Variants in AHCTF1 observed in about 807,000 individuals in gnomAD.
The protein encoded by AHCTF1 is AT-hook containing transcription factor 1, also known as protein ELYS.
Under a neutral mutation model 248.4 loss-of-function variants are expected in AHCTF1, and 24 were observed. That is an observed-to-expected ratio of 0.10 (90% CI 0.07 to 0.14). The LOEUF is 0.14. Among genes scored for constraint, AHCTF1 ranks in the 10% least tolerant of loss-of-function variants. The pLI is 1.00. For missense variants in AHCTF1, 2,206 were observed against 2,636.2 expected, an observed-to-expected ratio of 0.84 and a Z score of 3.57; for synonymous variants, 786 against 929.8, an observed-to-expected ratio of 0.85 and a Z score of 2.81.
At chr1:246,862,572 A>C (rs2103069614) in intron 27 of AHCTF1, among the ~76,000 whole-genome samples, 1 of 152,300 alleles carries the variant, frequency 6.6e-6, no homozygotes, top group East Asian at 1.9e-4. Context: ...TAAACATATC[A>C]ATAGAAATAT....
chr1:246,928,788 G>A (rs1202496768), intron 1 of AHCTF1, among the ~76,000 whole-genome samples: 1 of 152,122 alleles, frequency 6.6e-6, no homozygotes. Flanking sequence ...GTATGCAATG[G>A]TACTTTTTTT....
chr1:246,868,265 A>G (rs1253458108), intron 24 of AHCTF1, among the ~76,000 whole-genome samples: 1 of 151,884 alleles, frequency 6.6e-6, no homozygotes, highest in Admixed American at 6.6e-5. Context: ...AGTAGCTGGG[A>G]CTACAGGAAT....
intron 27 of AHCTF1, among the ~76,000 whole-genome samples, chr1:246,862,717 T>TAG (rs142290498): frequency 0.2 from 30,405 of 151,234 alleles, 3,348 homozygotes; most frequent in East Asian, 0.41. Context: ...AAGTGCCAAT[T>TAG]AGTAAGATAA....
At chr1:246,929,410 A>AAAAAAAT (rs1558289912) in intron 1 of AHCTF1, among the ~76,000 whole-genome samples, 2 of 149,162 alleles carry the variant, frequency 1.3e-5, no homozygotes, top group South Asian at 4.2e-4. Context: ...CTCCGTCTCA[A>AAAAAAAT]AAAAATAAAA....
chr1:246,868,982 C>T (rs929336582), intron 24 of AHCTF1, among the ~76,000 whole-genome samples: 80 of 142,910 alleles, frequency 5.6e-4, no homozygotes, highest in Middle Eastern at 3.9e-3. Flanking sequence ...GTAGCTGGGA[C>T]TACAGGCGCC....
intron 32 of AHCTF1, chr1:246,851,887 G>A (rs915632520): frequency 6.3e-6 from 1 of 158,142 alleles, no homozygotes; most frequent in African/African-American, 2.4e-5. Context: ...CCGTAAGGTT[G>A]AAGAACAATT....
At chr1:246,868,924 A>C (rs1662277612) in intron 24 of AHCTF1, among the ~76,000 whole-genome samples, 3 of 144,350 alleles carry the variant, frequency 2.1e-5, no homozygotes, top group Non-Finnish European at 3.0e-5. Flanking sequence ...GGCTCACTGC[A>C]AGTTCTGCCT....
chr1:246,855,583 C>A, intron 31 of AHCTF1, 147 bp downstream of exon 31: 1 of 624,004 alleles, frequency 1.6e-6, no homozygotes, highest in Non-Finnish European at 2.7e-6. Context: ...TAGAATACTT[C>A]TACACCAGGA....
At chr1:246,904,377 A>G (rs1444382412) in intron 6 of AHCTF1, among the ~76,000 whole-genome samples, 3 of 152,214 alleles carry the variant, frequency 2.0e-5, no homozygotes, top group Non-Finnish European at 4.4e-5. Flanking sequence ...AACATCTCCC[A>G]GCTTCCTTTG....
Position 246,850,436 on chromosome 1 carries a change from G to C in AHCTF1, c.5570C>G (p.Thr1857Ser). ...TGAAACCTTAACTTCTTTTTTAGTA[G>C]TTTCTTCAACTGCTGGTTCCAACAG... The part of the protein sequence containing the change: ...SQLLEPAVEE[T>S]TKKEVKVSSV... Residue 1857 changes from threonine (T) to serine (S), a missense_variant, in exon 33 of 36, where the codon ACT becomes AGT. Physicochemically the swap from Thr to Ser is moderately conservative, Grantham distance 58. Transcript: ENST00000648844. 1 of 1,595,712 alleles carries C rather than the reference G, an allele frequency of 6.3e-7. No individual in the cohort carries two copies.
chr1:246,876,158 T>C lies in AHCTF1; in HGVS notation c.2967A>G (p.Arg989=), dbSNP rs1210777364. 1.9e-6 allele frequency: 3 copies of C among 1,602,124 alleles called. No individual in the cohort carries two copies. In the East Asian group the frequency reaches 6.7e-5, roughly 36 times the overall value. Reference sequence around the variant, plus strand: ...CTAATATAGAATTTCGAGCCAGTGATCTCTCCCGCAAACGAGGATCACGAT... The same window carrying C: ...CTAATATAGAATTTCGAGCCAGTGACCTCTCCCGCAAACGAGGATCACGAT... ...MNDRDPRLRE[R]SLARNSILDQ... Residue 989 remains arginine (R), a synonymous_variant, in exon 24 of 36, where the codon AGA becomes AGG. Transcript: ENST00000648844.
Position 246,927,001 on chromosome 1 carries a change from C to T in AHCTF1, c.-8+4577G>A, listed in dbSNP as rs1402249784. On this transcript the variant is annotated intron_variant, in intron 1 of 35. Coordinates refer to ENST00000648844, the MANE Select transcript of AHCTF1 (RefSeq NM_001323342.2). ...CATCCTGGCTAACAAGGTGAAATCCCGTCTCTACTAAAAATACAGAAACAA... is the reference window on the plus strand; with the variant it reads ...CATCCTGGCTAACAAGGTGAAATCCTGTCTCTACTAAAAATACAGAAACAA... Among the ~76,000 whole-genome samples, 17 of 151,296 alleles carry T rather than the reference C, an allele frequency of 1.1e-4. No individual in the cohort carries two copies. In the East Asian group the frequency reaches 1.6e-3, roughly 14 times the overall value.
intron 1 of AHCTF1, among the ~76,000 whole-genome samples, chr1:246,920,294 G>C (rs937260670): frequency 4.0e-5 from 6 of 151,836 alleles, no homozygotes; most frequent in African/African-American, 1.5e-4. Context: ...TAATATATTT[G>C]TGTAAATCAG....
chr1:246,900,296 A>T (rs1428932555), intron 9 of AHCTF1, 41 bp downstream of exon 9: 1 of 1,584,202 alleles, frequency 6.3e-7, no homozygotes, highest in Non-Finnish European at 8.5e-7. Context: ...CTACACATAC[A>T]AATACAAAGA....
intron 24 of AHCTF1, 94 bp downstream of exon 24, chr1:246,875,943 G>C (rs1299042630): frequency 7.2e-6 from 9 of 1,242,500 alleles, no homozygotes; most frequent in East Asian, 2.5e-5. Context: ...ATGTGTTAGC[G>C]AAAGTAGCTA....
chr1:246,868,377 T>C (rs554057878), intron 24 of AHCTF1, among the ~76,000 whole-genome samples: 1 of 146,184 alleles, frequency 6.8e-6, no homozygotes, highest in African/African-American at 2.8e-5. Flanking sequence ...CGCCTTGGCC[T>C]CCCAAAGTGC....
In AHCTF1 at chr1:246,907,027, G is replaced by T. The variant is rs372932409; in HGVS notation, c.764+524C>A. On this transcript the variant is annotated intron_variant, in intron 5 of 35. Transcript: ENST00000648844. ...AATGCTCGTCAGGGATTCAGTCATT[G>T]TGCAAACATCATACAGTCTAGTAAC... 3.2e-4 allele frequency among the ~76,000 whole-genome samples: 48 copies of T among 152,244 alleles called. No individual in the cohort carries two copies. In the East Asian group the frequency reaches 8.1e-3, roughly 26 times the overall value.
chr1:246,861,380 A>G, intron 28 of AHCTF1, 85 bp from the exon 29 acceptor site: 1 of 1,222,488 alleles, frequency 8.2e-7, no homozygotes, highest in Non-Finnish European at 1.1e-6. Flanking sequence ...AATCATACCC[A>G]TACTTTCTTT....
At chr1:246,897,191 T>C (rs1179140697) in intron 12 of AHCTF1, among the ~76,000 whole-genome samples, 3 of 152,128 alleles carry the variant, frequency 2.0e-5, no homozygotes, top group African/African-American at 7.2e-5. Context: ...CACACGCCTC[T>C]AGTTCCAGCT....
Sources: gnomAD v4.1 joint callset for allele counts (sites outside exome capture counted in the v4.1 genomes callset) on GRCh38, gnomAD v4.1.1 for gene constraint, MANE v1.5 for transcripts, NCBI Gene and HGNC (gene_info 2026-07-23, HGNC 2026-07-21) for gene names.